DOCK3: variants seen among roughly 807,000 people sequenced by gnomAD.
DOCK3 encodes the protein dedicator of cytokinesis 3, also known as dedicator of cytokinesis protein 3.
A neutral mutation model predicts 265.6 loss-of-function variants in DOCK3; 60 were observed. That is an observed-to-expected ratio of 0.23 (90% CI 0.18 to 0.28). The LOEUF (loss-of-function observed/expected upper bound fraction) is 0.28. Ranked by LOEUF, DOCK3 falls within the 10% of genes least tolerant of loss-of-function variation. DOCK3 has a pLI of 1.00. For missense variants in DOCK3, 1,981 were observed against 2,594.3 expected (o/e 0.76, Z 5.14); for synonymous variants, 881 against 938.0 (o/e 0.94, Z 1.11).
chr3:51,004,515 G>T (rs775002419), intron 5 of DOCK3, among the ~76,000 whole-genome samples: 3 of 152,016 alleles, frequency 2.0e-5, no homozygotes, highest in Non-Finnish European at 4.4e-5. Flanking sequence ...TTAGGTTTAG[G>T]TTTCTCTTGT....
chr3:50,922,164 C>T lies in DOCK3; in HGVS notation c.219-11817C>T, dbSNP rs138713020. Among the ~76,000 whole-genome samples the T allele has an allele frequency of 5.1e-3, 784 of 152,328 alleles. 3 individuals are homozygous for T. Among genetic ancestry groups the T allele is most frequent in the Non-Finnish European group, 8.5e-3 (576 of 68,020 alleles). On this transcript the variant is annotated intron_variant, in intron 4 of 52. Coordinates refer to ENST00000266037, the MANE Select transcript of DOCK3 (RefSeq NM_004947.5). ...GCCTTTCCCGCAGAGGTGGAGTCTA[C>T]AGAGGCAGGCAGGCCTCCTTGAGCT...
At chr3:51,258,564 C>T (rs987179239) in intron 22 of DOCK3, among the ~76,000 whole-genome samples, 44 of 151,948 alleles carry the variant, frequency 2.9e-4, no homozygotes, top group Non-Finnish European at 6.0e-4. Context: ...AGTGCGGTGG[C>T]GTGATCTCGG....
chr3:51,382,322 G>A lies in DOCK3; in HGVS notation c.*763G>A, dbSNP rs1464583645. On this transcript the variant is annotated 3_prime_UTR_variant, in exon 53 of 53. Coordinates refer to ENST00000266037, the MANE Select transcript of DOCK3 (RefSeq NM_004947.5). The stretch of plus-strand genomic sequence containing the variant: ...CATGCCCCACAGGAGCCCCAGTGGT[G>A]ACTGGATCTGCAAGGGTTATCTCCC... 6.6e-6 allele frequency: 1 copy of A among 152,490 alleles called. No homozygotes were observed. The highest frequency in any genetic ancestry group is 1.9e-4 in the East Asian group (1 of 5,194). The allele number at this position is 152,490 out of a possible 1,614,324, so 9.4% of individuals were successfully genotyped here.
chr3:50,780,937 T>G (rs1172247258), intron 2 of DOCK3, among the ~76,000 whole-genome samples: 2 of 152,148 alleles, frequency 1.3e-5, no homozygotes, highest in Admixed American at 6.6e-5. Context: ...TTATTTCACT[T>G]AACATAATGT....
At chr3:50,895,677 C>T (rs909931222) in intron 4 of DOCK3, among the ~76,000 whole-genome samples, 9 of 152,048 alleles carry the variant, frequency 5.9e-5, no homozygotes, top group Non-Finnish European at 1.0e-4. Flanking sequence ...CTCCCCAACC[C>T]CCAACAGGCC....
At chr3:50,912,915 G>T (rs35082196) in intron 4 of DOCK3, among the ~76,000 whole-genome samples, 14,366 of 152,066 alleles carry the variant, frequency 0.094, 849 homozygotes, top group Non-Finnish European at 0.12. Flanking sequence ...GGAATCGAGG[G>T]CCCCTAGAGG....
At chr3:50,738,800 G>A (rs995756707) in intron 1 of DOCK3, among the ~76,000 whole-genome samples, 2 of 151,950 alleles carry the variant, frequency 1.3e-5, no homozygotes, top group African/African-American at 4.8e-5. Flanking sequence ...CTTATTTTCA[G>A]TATGTCTACT....
At chr3:51,371,132 G>A (rs2087648196) in intron 49 of DOCK3, among the ~76,000 whole-genome samples, 1 of 152,198 alleles carries the variant, frequency 6.6e-6, no homozygotes, top group Non-Finnish European at 1.5e-5. Flanking sequence ...ATACCAGAAA[G>A]AGGAATGAGA....
rs60539132 is a variant in DOCK3 at position 51,158,393 on chromosome 3, A to T, written c.829-851A>T. Among the ~76,000 whole-genome samples, 1,161 of 152,210 alleles carry T rather than the reference A, an allele frequency of 7.6e-3. 127 individuals carry two copies. The East Asian group carries it at 0.2, about 26-fold the overall frequency. ...AGACCCCATCTCTACAAATAATTTTAAAAATAGCTGGGCATGATGGTGCAC... is the reference window on the plus strand; with the variant it reads ...AGACCCCATCTCTACAAATAATTTTTAAAATAGCTGGGCATGATGGTGCAC... On this transcript the variant is annotated intron_variant, in intron 10 of 52. Transcript: ENST00000266037.
intron 5 of DOCK3, among the ~76,000 whole-genome samples, chr3:51,052,777 C>A (rs1262460122): frequency 4.6e-5 from 7 of 151,950 alleles, no homozygotes; most frequent in Non-Finnish European, 1.0e-4. Context: ...GGGACAGATG[C>A]TATATGTAAT....
intron 1 of DOCK3, among the ~76,000 whole-genome samples, chr3:50,691,732 C>G (rs187374600): frequency 6.6e-6 from 1 of 152,250 alleles, no homozygotes; most frequent in Admixed American, 6.5e-5. Context: ...TTGTTGTTTT[C>G]TGATTTTTGA....
At chr3:51,279,952 G>T (rs1249790483) in intron 26 of DOCK3, among the ~76,000 whole-genome samples, 154 bp from the exon 27 acceptor site, 1 of 152,204 alleles carries the variant, frequency 6.6e-6, no homozygotes, top group Non-Finnish European at 1.5e-5. Context: ...TTCCTTAGCA[G>T]AAAATAAAGC....
At chr3:51,019,040 T>A (rs560376909) in intron 5 of DOCK3, among the ~76,000 whole-genome samples, 1 of 151,906 alleles carries the variant, frequency 6.6e-6, no homozygotes, top group Admixed American at 6.6e-5. Context: ...TGGTAAAGTT[T>A]TTTATTTTCC....
At chr3:51,287,303 T>C (rs1197447934) in intron 27 of DOCK3, among the ~76,000 whole-genome samples, 1 of 151,884 alleles carries the variant, frequency 6.6e-6, no homozygotes, top group African/African-American at 2.4e-5. Context: ...GTCAAAAAAA[T>C]ATTGGGAGGC....
intron 4 of DOCK3, among the ~76,000 whole-genome samples, chr3:50,920,925 T>G (rs2050420291): frequency 6.6e-6 from 1 of 152,212 alleles, no homozygotes; most frequent in African/African-American, 2.4e-5. Context: ...TTTGAATGTG[T>G]CCCAGAGATT....
At chr3:51,332,188 G>A (rs2084566930) in intron 33 of DOCK3, among the ~76,000 whole-genome samples, 1 of 152,212 alleles carries the variant, frequency 6.6e-6, no homozygotes, top group South Asian at 2.1e-4. Context: ...TAGAGAGCAA[G>A]GAATAGTGTG....
intron 6 of DOCK3, among the ~76,000 whole-genome samples, chr3:51,067,562 CT>C (rs2081649119): frequency 6.6e-6 from 1 of 151,638 alleles, no homozygotes; most frequent in Admixed American, 6.6e-5. Flanking sequence ...CCTATTTCTC[CT>C]TTTCTCCCTT....
chr3:51,203,197 G>C (rs571754325), intron 12 of DOCK3, among the ~76,000 whole-genome samples: 1 of 152,010 alleles, frequency 6.6e-6, no homozygotes, highest in Non-Finnish European at 1.5e-5. Context: ...GAAATAAAGG[G>C]TATTCAATTA....
At chr3:51,375,646 C>T (rs541505132) in intron 50 of DOCK3, 102 bp from the exon 51 acceptor site, 19 of 1,323,334 alleles carry the variant, frequency 1.4e-5, no homozygotes, top group East Asian at 1.4e-4. Flanking sequence ...TTGTTTTCCC[C>T]GTCTGATCTT....
Sources: allele counts gnomAD v4.1 joint callset (sites outside exome capture counted in the v4.1 genomes callset), GRCh38; gene constraint gnomAD v4.1.1; transcripts MANE v1.5; gene names NCBI Gene and HGNC (gene_info 2026-07-23, HGNC 2026-07-21).